The following GLI2 variants were observed in gnomAD, a reference collection of about 807,000 sequenced individuals.
GLI2 encodes GLI family zinc finger 2.
Under a neutral mutation model 78.9 loss-of-function variants are expected in GLI2, and 22 were observed. The observed-to-expected ratio is 0.28, with a 90% CI of 0.20 to 0.40. The LOEUF (loss-of-function observed/expected upper bound fraction) is 0.40, where lower values mean the gene tolerates loss of function less well. GLI2 is among the 10% of genes least tolerant of loss of function. The probability of loss-of-function intolerance (pLI) is 1.00; values close to 1 mark genes in which losing one functional copy is unlikely to be tolerated. For missense variants in GLI2, 2,097 were observed against 2,213.2 expected, an observed-to-expected ratio of 0.95 and a Z score of 1.05; for synonymous variants, 974 against 963.7, an observed-to-expected ratio of 1.01 and a Z score of -0.20.
chr2:120,909,024 G>A (rs941015075), intron 2 of GLI2, among the ~76,000 whole-genome samples: 1 of 152,156 alleles, frequency 6.6e-6, no homozygotes, highest in Admixed American at 6.5e-5. Flanking sequence ...TCTATGGCTT[G>A]TGCTTGTGCT....
chr2:120,971,254 C>T (rs891633877), intron 7 of GLI2, among the ~76,000 whole-genome samples: 3 of 152,218 alleles, frequency 2.0e-5, no homozygotes, highest in African/African-American at 7.2e-5. Context: ...TACAAACAAG[C>T]TCATGTGTGC....
At chr2:120,769,056 G>C (rs143955298) in intron 1 of GLI2, among the ~76,000 whole-genome samples, 4 of 152,236 alleles carry the variant, frequency 2.6e-5, no homozygotes, top group Admixed American at 1.3e-4. Context: ...ACTTGACAAG[G>C]GTCCTCATTT....
In GLI2 at chr2:120,990,249, C is replaced by G. The variant is rs756222320; in HGVS notation, c.4284C>G (p.Leu1428=). ...DAGGAPDHSM[L]YYYGQIHMYE... is the part of the protein sequence containing the mutation. ...GTGGGGCCCCGGACCACAGCATGCT[C>G]TACTACTACGGCCAGATCCACATGT... is the stretch of plus-strand genomic sequence containing the variant. The change falls in exon 14 of 14, where the codon CTC becomes CTG. Residue 1428 remains leucine, a synonymous_variant. Coordinates refer to ENST00000361492, the MANE Select transcript of GLI2 (RefSeq NM_001374353.1). 6 of 1,613,614 alleles carry G rather than the reference C, an allele frequency of 3.7e-6. No homozygotes were observed. The highest frequency in any genetic ancestry group is 1.3e-5 in the African/African-American group (1 of 74,932).
At chr2:120,919,560 A>C (rs906791783) in intron 2 of GLI2, among the ~76,000 whole-genome samples, 1 of 152,228 alleles carries the variant, frequency 6.6e-6, no homozygotes, top group Non-Finnish European at 1.5e-5. Context: ...ATGGGGACCT[A>C]TGGTCCTGAC....
At chr2:120,930,491 G>C (rs944309457) in intron 3 of GLI2, among the ~76,000 whole-genome samples, 1 of 152,202 alleles carries the variant, frequency 6.6e-6, no homozygotes, top group African/African-American at 2.4e-5. Context: ...TTGTGGGAGC[G>C]TAAGTATGGA....
chr2:120,961,918 C>T lies in GLI2; in HGVS notation c.643+6488C>T, dbSNP rs183569994. On this transcript the variant is annotated intron_variant, in intron 5 of 13. Transcript: ENST00000361492. ...CATCAAACCTAAAATAACCCAGCCC[C>T]GGGCTGAGGATGGCATCTGGCACAG... Among the ~76,000 whole-genome samples, 61 of 152,288 alleles carry T rather than the reference C, an allele frequency of 4.0e-4. 1 individual carries two copies. In the East Asian group the frequency reaches 0.01, roughly 26 times the overall value.
At chr2:120,953,045 GC>G (rs1305404260) in intron 4 of GLI2, among the ~76,000 whole-genome samples, 1 of 152,210 alleles carries the variant, frequency 6.6e-6, no homozygotes, top group African/African-American at 2.4e-5. Flanking sequence ...GCTGAGGGGT[GC>G]CCCCCAAAAC....
chr2:120,975,228 G>A, intron 9 of GLI2, 119 bp downstream of exon 9: 3 of 918,752 alleles, frequency 3.3e-6, no homozygotes, highest in South Asian at 3.2e-5. Flanking sequence ...CCCCAGAGAT[G>A]CCTGGGCCAC....
In GLI2 at chr2:120,988,468, G is replaced by A. The variant is rs751028726; in HGVS notation, c.2503G>A (p.Ala835Thr). ...CGGCCGCCCGCACAACGCGAGCTCC[G>A]CTGACTCCTACGACCCCATCTCCAC... ...GAGRPHNASS[A>T]DSYDPISTDA... is the part of the protein sequence containing the mutation. Residue 835 changes from alanine to threonine, a missense_variant, in exon 14 of 14, where the codon GCT becomes ACT. Ala to Thr is a moderately conservative substitution (Grantham distance 58). Coordinates refer to ENST00000361492, the MANE Select transcript of GLI2 (RefSeq NM_001374353.1). The A allele has an allele frequency of 1.3e-5, 21 of 1,563,682 alleles. No individual in the cohort carries two copies. The East Asian group carries it at 3.9e-4, about 29-fold the overall frequency.
At chr2:120,747,549 A>G (rs1682730154) in intron 1 of GLI2, among the ~76,000 whole-genome samples, 1 of 152,190 alleles carries the variant, frequency 6.6e-6, no homozygotes, top group South Asian at 2.1e-4. Flanking sequence ...TCCAGGGGGC[A>G]TTTGACCTGT....
chr2:120,984,346 C>G, intron 11 of GLI2, 125 bp from the exon 12 acceptor site: 1 of 981,140 alleles, frequency 1.0e-6, no homozygotes, highest in Admixed American at 1.7e-5. Flanking sequence ...TGACACAGCA[C>G]CTACTGACGT....
intron 3 of GLI2, among the ~76,000 whole-genome samples, chr2:120,934,567 G>C (rs979889931): frequency 2.0e-5 from 3 of 152,220 alleles, no homozygotes; most frequent in African/African-American, 7.2e-5. Context: ...ATGGCTCAGG[G>C]TTGTAGCTAT....
chr2:120,901,241 T>G (rs980273267), intron 2 of GLI2, among the ~76,000 whole-genome samples: 4 of 152,182 alleles, frequency 2.6e-5, no homozygotes, highest in African/African-American at 9.7e-5. Context: ...CAGACTGTTA[T>G]GGAAGCAGAG....
intron 2 of GLI2, among the ~76,000 whole-genome samples, chr2:120,898,332 T>A (rs576333945): frequency 6.6e-6 from 1 of 152,288 alleles, no homozygotes; most frequent in Non-Finnish European, 1.5e-5. Context: ...TGTGTTGTAT[T>A]TACAGTGAAA....
intron 2 of GLI2, among the ~76,000 whole-genome samples, chr2:120,855,603 C>G (rs550631048): frequency 1.3e-5 from 2 of 152,222 alleles, no homozygotes; most frequent in East Asian, 3.9e-4. Context: ...CCAGAGAAAC[C>G]GTGGAGCCCC....
intron 1 of GLI2, among the ~76,000 whole-genome samples, chr2:120,787,411 C>G (rs574874776): frequency 1.3e-5 from 2 of 152,256 alleles, no homozygotes; most frequent in African/African-American, 4.8e-5. Context: ...GGTCCTTGCC[C>G]CCACCCCCAA....
At chr2:120,882,499 C>T (rs2104718650) in intron 2 of GLI2, among the ~76,000 whole-genome samples, 1 of 152,376 alleles carries the variant, frequency 6.6e-6, no homozygotes, top group Non-Finnish European at 1.5e-5. Context: ...TTGTGGAACG[C>T]AGATGGAGGG....
intron 2 of GLI2, among the ~76,000 whole-genome samples, chr2:120,891,709 A>G (rs1677690925): frequency 6.6e-6 from 1 of 152,110 alleles, no homozygotes; most frequent in Admixed American, 6.5e-5. Context: ...GCTCCAGTAG[A>G]GTGGAGGGCA....
At chr2:120,793,126 T>C (rs1573383769) in intron 1 of GLI2, among the ~76,000 whole-genome samples, 1 of 152,232 alleles carries the variant, frequency 6.6e-6, no homozygotes, top group African/African-American at 2.4e-5. Context: ...CCAGTGCCCC[T>C]GCTGAGGCCC....
Sources: gnomAD v4.1 joint callset for allele counts (sites outside exome capture counted in the v4.1 genomes callset) on GRCh38, gnomAD v4.1.1 for gene constraint, MANE v1.5 for transcripts, NCBI Gene and HGNC (gene_info 2026-07-23, HGNC 2026-07-21) for gene names.